The following PITPNM2 variants were observed in gnomAD, a reference collection of about 807,000 sequenced individuals.
The protein encoded by PITPNM2 is phosphatidylinositol transfer protein membrane associated 2, also known as membrane-associated phosphatidylinositol transfer protein 2.
PITPNM2 carries 35 observed loss-of-function variants against 132.2 expected under a neutral mutation model. The observed-to-expected ratio is 0.26, with a 90% CI of 0.20 to 0.35. PITPNM2 has a LOEUF of 0.35. PITPNM2 is among the 10% of genes least tolerant of loss of function. The pLI is 1.00. For missense variants in PITPNM2, 1,332 were observed against 1,912.0 expected (o/e 0.70, Z 5.66); for synonymous variants, 738 against 799.2 (o/e 0.92, Z 1.29).
intron 3 of PITPNM2, among the ~76,000 whole-genome samples, chr12:123,020,872 T>C (rs530806123): frequency 6.8e-6 from 1 of 148,056 alleles, no homozygotes; most frequent in Admixed American, 6.7e-5. Context: ...AAAACAATAA[T>C]AAAAAAAAAT....
intron 2 of PITPNM2, among the ~76,000 whole-genome samples, chr12:123,038,760 C>G (rs941145451): frequency 6.6e-6 from 1 of 150,454 alleles, no homozygotes; most frequent in African/African-American, 2.4e-5. Flanking sequence ...GTGGGGCTCT[C>G]TGAAGCATGA....
chr12:123,011,519 C>T (rs528886265), intron 5 of PITPNM2, among the ~76,000 whole-genome samples: 5 of 152,330 alleles, frequency 3.3e-5, no homozygotes, highest in South Asian at 2.1e-4. Context: ...CCAATTCCTA[C>T]GCTGACGTAC....
chr12:122,985,226 A>C lies in PITPNM2; in HGVS notation c.*801T>G, dbSNP rs2037886790. 6.6e-6 allele frequency: 1 copy of C among 152,444 alleles called. No homozygotes were observed. Among genetic ancestry groups the C allele is most frequent in the Non-Finnish European group, 1.5e-5 (1 of 68,066 alleles). 9.4% of individuals were successfully genotyped at this position (152,444 alleles called of 1,614,324 possible). ...TTGCTCGTTTAAAAAAACCTCATAG[A>C]AATCAGATTGAGAAGTAGAAAGGCG... On this transcript the variant is annotated 3_prime_UTR_variant, in exon 26 of 26. Coordinates refer to ENST00000320201, the MANE Select transcript of PITPNM2 (RefSeq NM_020845.3).
chr12:123,067,333 G>C (rs1337638975), intron 2 of PITPNM2, among the ~76,000 whole-genome samples: 4 of 152,146 alleles, frequency 2.6e-5, no homozygotes, highest in African/African-American at 9.7e-5. Flanking sequence ...GCACATGCTT[G>C]TAATCCCAGC....
chr12:122,994,943 T>C lies in PITPNM2; in HGVS notation c.2091A>G (p.Ser697=), dbSNP rs780242683. Residue 697 remains serine (S), a synonymous_variant, in exon 15 of 26, where the codon TCA becomes TCG. Transcript: ENST00000320201. This position sits in a 1 kb window ranked among gnomAD's most constrained non-coding sequence, Gnocchi z 5.4. Reference sequence around the variant, plus strand: ...GCATGGTGGAGCTGCTGGAATGGCGTGAGCAGGGCTCAGTCCTCAGCACGC... The same window carrying C: ...GCATGGTGGAGCTGCTGGAATGGCGCGAGCAGGGCTCAGTCCTCAGCACGC... The part of the protein sequence containing the change: ...HASVLRTEPC[S]RHSSSSTMLD... 6.2e-7 allele frequency: 1 copy of C among 1,610,986 alleles called. No individual in the cohort carries two copies. Among genetic ancestry groups the C allele is most frequent in the East Asian group, 2.2e-5 (1 of 44,860 alleles).
rs571639559 is a variant in PITPNM2 at position 123,000,635 on chromosome 12, C to T, written c.1224+143G>A. On this transcript the variant is annotated intron_variant, in intron 10 of 25. Transcript: ENST00000320201. This position sits in a 1 kb window ranked among gnomAD's most constrained non-coding sequence, Gnocchi z 5.4. ...GCAGCAAAAAAGGAGGCCCAGGCCT[C>T]TCCCCAGACAGTACCCAGGCAGGCG... The T allele has an allele frequency of 5.3e-6, 5 of 947,668 alleles. No homozygotes were observed. Among genetic ancestry groups the T allele is most frequent in the Non-Finnish European group, 8.0e-6 (5 of 626,068 alleles). The allele number at this position is 947,668 out of a possible 1,614,324, so 58.7% of individuals were successfully genotyped here.
chr12:123,127,529 C>T (rs773706439), intron 1 of PITPNM2, among the ~76,000 whole-genome samples: 43 of 152,098 alleles, frequency 2.8e-4, no homozygotes, highest in Non-Finnish European at 6.0e-4. Flanking sequence ...ACTTTGAAAA[C>T]CTAAGACAAC....
In PITPNM2 at chr12:123,109,417, C is replaced by T. The variant is rs1352513446; in HGVS notation, c.-96+968G>A. On this transcript the variant is annotated intron_variant, in intron 2 of 25. Coordinates refer to ENST00000320201, the MANE Select transcript of PITPNM2 (RefSeq NM_020845.3). The stretch of plus-strand genomic sequence containing the variant: ...CCAGCTGGGGGTGGGAGGGGAGAGA[C>T]TGCTACTCCCTGGGCCATTCAATCT... Among the ~76,000 whole-genome samples the T allele has an allele frequency of 5.3e-5, 8 of 152,172 alleles. No individual in the cohort carries two copies. In the East Asian group the frequency reaches 1.5e-3, roughly 29 times the overall value.
intron 8 of PITPNM2, among the ~76,000 whole-genome samples, chr12:123,003,066 C>T (rs1441240039): frequency 1.3e-5 from 2 of 152,170 alleles, no homozygotes; most frequent in African/African-American, 4.8e-5. Flanking sequence ...CTCTAGTCAT[C>T]CAGCAGTGTC....
intron 3 of PITPNM2, 166 bp downstream of exon 3, chr12:123,034,347 G>A (rs2040199631): frequency 3.2e-6 from 2 of 627,762 alleles, no homozygotes; most frequent in Non-Finnish European, 5.5e-6. Flanking sequence ...TGTGCGCCTG[G>A]CATCGTGCCT....
Position 123,097,109 on chromosome 12 carries a change from C to A in PITPNM2, c.-96+13276G>T, listed in dbSNP as rs1593011990. Among the ~76,000 whole-genome samples, 2 of 152,266 alleles carry A rather than the reference C, an allele frequency of 1.3e-5. No homozygotes were observed. The highest frequency in any genetic ancestry group is 3.9e-4 in the East Asian group (2 of 5,180). The stretch of plus-strand genomic sequence containing the variant: ...CCAGGTTTGAGTGCAGTGGCACGAT[C>A]TTGGCTTGCTGCAACCTCTTCCTCC... On this transcript the variant is annotated intron_variant, in intron 2 of 25. Transcript: ENST00000320201. This position sits in a 1 kb window ranked among gnomAD's most constrained non-coding sequence, Gnocchi z 4.7.
chr12:123,070,096 C>A (rs1021699035), intron 2 of PITPNM2, among the ~76,000 whole-genome samples: 8 of 152,220 alleles, frequency 5.3e-5, no homozygotes, highest in African/African-American at 1.9e-4. Flanking sequence ...AGCCCAGGGA[C>A]AGACGAGTCC....
intron 1 of PITPNM2, among the ~76,000 whole-genome samples, chr12:123,139,089 G>A (rs897420407): frequency 4.6e-5 from 7 of 152,078 alleles, no homozygotes; most frequent in Admixed American, 1.3e-4. Flanking sequence ...AGTGAGCTAC[G>A]ATTGTGCTAC....
intron 23 of PITPNM2, 104 bp from the exon 24 acceptor site, chr12:122,986,933 G>A: frequency 1.5e-6 from 2 of 1,357,042 alleles, no homozygotes; most frequent in Non-Finnish European, 2.0e-6. Context: ...GCACATCTCT[G>A]ATTGAGCTCA....
intron 2 of PITPNM2, among the ~76,000 whole-genome samples, chr12:123,051,114 C>T (rs2040841828): frequency 7.0e-6 from 1 of 142,788 alleles, no homozygotes; most frequent in Non-Finnish European, 1.6e-5. Flanking sequence ...CCTCAAGGCC[C>T]ACCCCTCGCT....
chr12:123,079,107 G>C lies in PITPNM2; in HGVS notation c.-96+31278C>G, dbSNP rs2041876378. Among the ~76,000 whole-genome samples, 3 of 152,228 alleles carry C rather than the reference G, an allele frequency of 2.0e-5. No homozygotes were observed. The South Asian group carries it at 6.2e-4, about 32-fold the overall frequency. ...AGGGCAGGCACTAGTGCTGTCCTGG[G>C]CCCATCTCAGGAGCTGCGGTCTCCT... On this transcript the variant is annotated intron_variant, in intron 2 of 25. Coordinates refer to ENST00000320201, the MANE Select transcript of PITPNM2 (RefSeq NM_020845.3).
chr12:122,994,106 T>TA lies in PITPNM2; in HGVS notation c.2233+694_2233+695insT, dbSNP rs146553488. Among the ~76,000 whole-genome samples the TA allele has an allele frequency of 0.094, 14,305 of 152,126 alleles. 2,215 individuals are homozygous for TA. Among genetic ancestry groups the TA allele is most frequent in the African/African-American group, 0.32 (13,429 of 41,382 alleles). ...TCAGGCTGGTCTCAAACTCCTGACC[T>TA]CAGCTGATCCGCCCGCCTCGGCCTC... On this transcript the variant is annotated intron_variant, in intron 15 of 25. Coordinates refer to ENST00000320201, the MANE Select transcript of PITPNM2 (RefSeq NM_020845.3). This position sits in a 1 kb window ranked among gnomAD's most constrained non-coding sequence, Gnocchi z 5.4.
intron 6 of PITPNM2, among the ~76,000 whole-genome samples, chr12:123,007,886 C>T (rs2039009415): frequency 2.0e-5 from 3 of 152,116 alleles, no homozygotes; most frequent in East Asian, 1.9e-4. Context: ...CTCCTCAAGG[C>T]CCCCAAGAAG....
intron 1 of PITPNM2, among the ~76,000 whole-genome samples, chr12:123,137,119 G>A (rs1291889830): frequency 1.3e-5 from 2 of 152,152 alleles, no homozygotes; most frequent in Admixed American, 1.3e-4. Flanking sequence ...AGCCACCCAG[G>A]CGGCTGCCCA....
Sources: gnomAD v4.1 joint callset for allele counts (sites outside exome capture counted in the v4.1 genomes callset) on GRCh38, gnomAD v4.1.1 for gene constraint, Gnocchi (gnomAD v3.1) non-coding constraint, MANE v1.5 for transcripts, NCBI Gene and HGNC (gene_info 2026-07-23, HGNC 2026-07-21) for gene names.